The following GLB1L2 variants were observed in gnomAD, a reference collection of about 807,000 sequenced individuals.
GLB1L2 encodes the protein beta-galactosidase-1-like protein 2.
Under a neutral mutation model 84.1 loss-of-function variants are expected in GLB1L2, and 68 were observed. That is an observed-to-expected ratio of 0.81 (90% CI 0.67 to 0.99). The LOEUF (loss-of-function observed/expected upper bound fraction) is 0.99, where lower values mean the gene tolerates loss of function less well. GLB1L2 is among the 50% of genes least tolerant of loss of function. The pLI, the probability that GLB1L2 is intolerant of heterozygous loss-of-function variation, is 0.00. For synonymous variants in GLB1L2, 290 were observed against 318.0 expected, an observed-to-expected ratio of 0.91 and a Z score of 0.94; for missense variants, 762 against 805.6, an observed-to-expected ratio of 0.95 and a Z score of 0.66.
At chr11:134,364,897 C>T (rs760468367) in intron 8 of GLB1L2, 1 of 153,510 alleles carries the variant, frequency 6.5e-6, no homozygotes, top group Non-Finnish European at 1.5e-5. Context: ...TTTATGCCAC[C>T]CTGTAGTTCT....
intron 8 of GLB1L2, 89 bp downstream of exon 8, chr11:134,364,487 G>A (rs1943839301): frequency 9.3e-7 from 1 of 1,071,440 alleles, no homozygotes; most frequent in Non-Finnish European, 1.4e-6. Flanking sequence ...AGCTTCCCCA[G>A]CGCAGGGAGC....
At position 134,374,152 on chromosome 11, in the gene GLB1L2, C is replaced by T; in HGVS notation, c.1603C>T (p.Leu535=). ...MKKSFFQRFG[L]DKWSSLPETP... ...TCTGTGTTCTGTCCTTAGGTTCGGC[C>T]TGGACAAATGGAGTTCCCTCCCAGA... Residue 535 remains leucine, a synonymous_variant, in exon 17 of 19, where the codon CTG becomes TTG. Transcript: ENST00000535456. The T allele has an allele frequency of 6.2e-7, 1 of 1,612,684 alleles. No individual in the cohort carries two copies.
chr11:134,367,479 A>G, intron 9 of GLB1L2, 138 bp downstream of exon 9: 1 of 662,344 alleles, frequency 1.5e-6, no homozygotes, highest in Non-Finnish European at 2.6e-6. Context: ...TTGGCTTTGG[A>G]TATTCCTGAG....
intron 5 of GLB1L2, among the ~76,000 whole-genome samples, chr11:134,354,178 G>T (rs147815445): frequency 4.0e-4 from 61 of 151,778 alleles, no homozygotes; most frequent in African/African-American, 1.4e-3. Flanking sequence ...TTTTTATAAC[G>T]ATTCCCTTTA....
rs777027402 is a variant in GLB1L2 at position 134,371,150 on chromosome 11, T to C, written c.1356+2T>C. On this transcript the variant is annotated splice_donor_variant, in intron 13 of 18. Transcript: ENST00000535456. LOFTEE classifies it high-confidence loss of function. ...GGCCACGTGCATGATCGGGGGCAGG[T>C]AGGAGCTTCTCTTCTAAATTCCTGT... 3.7e-6 allele frequency: 6 copies of C among 1,614,102 alleles called. No homozygotes were observed. Among genetic ancestry groups the C allele is most frequent in the Non-Finnish European group, 5.1e-6 (6 of 1,179,998 alleles).
chr11:134,333,994 G>A (rs746711131), intron 1 of GLB1L2, among the ~76,000 whole-genome samples: 2 of 152,102 alleles, frequency 1.3e-5, no homozygotes, highest in Non-Finnish European at 1.5e-5. Flanking sequence ...ACCCTCATGG[G>A]TACATTCTGC....
At chr11:134,354,000 T>A (rs59290979) in intron 5 of GLB1L2, among the ~76,000 whole-genome samples, 5,401 of 152,290 alleles carry the variant, frequency 0.035, 430 homozygotes, top group East Asian at 0.32. Flanking sequence ...TGCCAATGTA[T>A]GTCTTTTGAT....
In GLB1L2 at chr11:134,370,543, G is replaced by A. The variant is rs564794381; in HGVS notation, c.1215+144G>A. 7.6e-6 allele frequency: 5 copies of A among 661,164 alleles called. No individual in the cohort carries two copies. Among genetic ancestry groups the A allele is most frequent in the East Asian group, 2.7e-5 (1 of 36,814 alleles). The allele number at this position is 661,164 out of a possible 1,614,324, so 41.0% of individuals were successfully genotyped here. On this transcript the variant is annotated intron_variant, in intron 12 of 18. Coordinates refer to ENST00000535456, the MANE Select transcript of GLB1L2 (RefSeq NM_001370461.1). This position sits in a 1 kb window ranked among gnomAD's most constrained non-coding sequence, Gnocchi z 4.7. ...TGGAGCCCCTCCAGACAGGGAGTGT[G>A]GGGGGAGGCAGGCCAGTGCCTGGTG...
chr11:134,343,990 A>T (rs1435792682), intron 2 of GLB1L2, among the ~76,000 whole-genome samples: 1 of 152,174 alleles, frequency 6.6e-6, no homozygotes, highest in Non-Finnish European at 1.5e-5. Flanking sequence ...TCGAGTTGGA[A>T]GCTTCATTCT....
chr11:134,371,457 TACAAG>T lies in GLB1L2; in HGVS notation c.1398_1402del (p.Lys466AsnfsTer31). On this transcript the variant is annotated frameshift_variant, in exon 14 of 19. Coordinates refer to ENST00000535456, the MANE Select transcript of GLB1L2 (RefSeq NM_001370461.1). LOFTEE classifies it high-confidence loss of function. ...CACAGTATCCATAGGATTCTTGGACTACAAGACAACGAAGATTGCTGTCCCCCTGA... is the reference window on the plus strand; with the variant it reads ...CACAGTATCCATAGGATTCTTGGACTACAACGAAGATTGCTGTCCCCCTGA... 6.2e-7 allele frequency: 1 copy of T among 1,602,406 alleles called. No individual in the cohort carries two copies. Among genetic ancestry groups the T allele is most frequent in the Non-Finnish European group, 8.6e-7 (1 of 1,169,316 alleles).
In GLB1L2 at chr11:134,374,957, G is replaced by T. The variant is rs1163518876; in HGVS notation, c.1825-15G>T. On this transcript the variant is annotated splice_polypyrimidine_tract_variant and intron_variant, in intron 18 of 18. Coordinates refer to ENST00000535456, the MANE Select transcript of GLB1L2 (RefSeq NM_001370461.1). The stretch of plus-strand genomic sequence containing the variant: ...AGACGTCAGCTGCCCTCCCAGCCGG[G>T]CCCTCTCTCCACAGGTCATCGTTTT... 1.2e-6 allele frequency: 2 copies of T among 1,610,018 alleles called. No individual in the cohort carries two copies. The highest frequency in any genetic ancestry group is 2.7e-5 in the African/African-American group (2 of 74,854).
At chr11:134,349,935 A>AG (rs1416044966) in intron 5 of GLB1L2, among the ~76,000 whole-genome samples, 20 of 152,162 alleles carry the variant, frequency 1.3e-4, no homozygotes, top group Admixed American at 1.3e-3. Flanking sequence ...GCCTGGAACG[A>AG]GGGCCTCTTG....
Position 134,334,188 on chromosome 11 carries a change from G to A in GLB1L2, c.86+2041G>A, listed in dbSNP as rs1048002471. Among the ~76,000 whole-genome samples the A allele has an allele frequency of 5.3e-5, 8 of 152,174 alleles. No homozygotes were observed. The highest frequency in any genetic ancestry group is 1.4e-4 in the African/African-American group (6 of 41,446). On this transcript the variant is annotated intron_variant, in intron 1 of 18. Transcript: ENST00000535456. The surrounding 1 kb of genome is among the most constrained non-coding windows in gnomAD (Gnocchi z 4.1). ...GCTGTTACTGGGCAGTGTTGAGGTGGCCAGTGGAATATAGGTCACGTGGAA... is the reference window on the plus strand; with the variant it reads ...GCTGTTACTGGGCAGTGTTGAGGTGACCAGTGGAATATAGGTCACGTGGAA...
At position 134,338,979 on chromosome 11, in the gene GLB1L2, GA is replaced by G. The variant is rs757924706; in HGVS notation, c.87-3770del. Among the ~76,000 whole-genome samples, 2 of 152,158 alleles carry G rather than the reference GA, an allele frequency of 1.3e-5. No homozygotes were observed. Among genetic ancestry groups the G allele is most frequent in the Non-Finnish European group, 2.9e-5 (2 of 68,032 alleles). ...TTGCTGTCCGGACTCTTCTAAGGTG[GA>G]AAAATCGCTTTGGATAAATGAAGCC... On this transcript the variant is annotated intron_variant, in intron 1 of 18. Transcript: ENST00000535456. The surrounding 1 kb of genome is among the most constrained non-coding windows in gnomAD (Gnocchi z 6.2).
At chr11:134,347,030 G>C in intron 4 of GLB1L2, 1 of 371,558 alleles carries the variant, frequency 2.7e-6, no homozygotes, top group East Asian at 4.5e-5. Context: ...AACTAGGCCT[G>C]GAGTCCTGTG....
intron 5 of GLB1L2, among the ~76,000 whole-genome samples, chr11:134,348,430 G>T (rs1025753527): frequency 6.6e-6 from 1 of 152,234 alleles, no homozygotes; most frequent in Non-Finnish European, 1.5e-5. Context: ...TCAGCAGGTT[G>T]TAGGAGTCGG....
At chr11:134,343,557 A>T (rs1490924159) in intron 2 of GLB1L2, among the ~76,000 whole-genome samples, 1 of 152,230 alleles carries the variant, frequency 6.6e-6, no homozygotes, top group Non-Finnish European at 1.5e-5. Flanking sequence ...AGGCTGGATT[A>T]TTCCATGTTT....
intron 7 of GLB1L2, chr11:134,359,702 C>G (rs891424783): frequency 6.6e-6 from 1 of 152,336 alleles, no homozygotes; most frequent in Admixed American, 6.5e-5. Flanking sequence ...TCCTGCTGAA[C>G]GCCAGGCATC....
Position 134,367,206 on chromosome 11 carries a change from CTT to C in GLB1L2, c.805-46_805-45del, listed in dbSNP as rs202191819. 4 of 1,503,510 alleles carry C rather than the reference CTT, an allele frequency of 2.7e-6. 1 individual carries two copies. 93.1% of individuals were successfully genotyped at this position (1,503,510 alleles called of 1,614,324 possible). On this transcript the variant is annotated intron_variant, in intron 8 of 18. Transcript: ENST00000535456. ...GCTCCCCTCCATGAAGAGCTTCCCT[CTT>C]TTTTGTCTGGCCAGCCTGCTTGTCT...
Sources: allele counts gnomAD v4.1 joint callset (sites outside exome capture counted in the v4.1 genomes callset), GRCh38; gene constraint gnomAD v4.1.1; non-coding constraint Gnocchi (gnomAD v3.1); transcripts MANE v1.5; gene names NCBI Gene and HGNC (gene_info 2026-07-23, HGNC 2026-07-21).